The following GPHN variants were observed in gnomAD, a reference collection of about 807,000 sequenced individuals.
The protein encoded by GPHN is gephyrin.
GPHN carries 17 observed loss-of-function variants against 95.5 expected under a neutral mutation model. The ratio of observed to expected loss-of-function variants is 0.18; its 90% confidence interval spans 0.12 to 0.27. The LOEUF is 0.27. Ranked by LOEUF, GPHN falls within the 10% of genes least tolerant of loss-of-function variation. The pLI is 1.00. For synonymous variants in GPHN, 320 were observed against 322.5 expected (o/e 0.99, Z 0.08); for missense variants, 660 against 978.1 (o/e 0.67, Z 4.34).
At chr14:66,613,963 C>A (rs1167804922) in intron 1 of GPHN, among the ~76,000 whole-genome samples, 1 of 151,992 alleles carries the variant, frequency 6.6e-6, no homozygotes, top group Non-Finnish European at 1.5e-5. Flanking sequence ...TTTGATTTTT[C>A]CTTGCTGTAG....
intron 1 of GPHN, among the ~76,000 whole-genome samples, chr14:66,609,273 C>T (rs369246727): frequency 3.9e-5 from 6 of 152,034 alleles, no homozygotes; most frequent in East Asian, 1.9e-4. Context: ...AATTGGTTTC[C>T]GATCTCTTCT....
At chr14:67,340,810 A>T in the GPHN span, among the ~76,000 whole-genome samples, 1 of 152,008 alleles carries the variant, frequency 6.6e-6, no homozygotes, top group South Asian at 2.1e-4. Context: ...AGTGCCTGCG[A>T]TTGCAGGCGC....
chr14:67,709,779 C>A, the GPHN span, among the ~76,000 whole-genome samples: 1 of 152,082 alleles, frequency 6.6e-6, no homozygotes, highest in Non-Finnish European at 1.5e-5. Flanking sequence ...CTTTTTAGAC[C>A]AAGGCATCAA....
chr14:67,248,691 A>T, the GPHN span, among the ~76,000 whole-genome samples: 22 of 152,176 alleles, frequency 1.4e-4, no homozygotes, highest in African/African-American at 5.1e-4. Context: ...TCTCTGTTGC[A>T]AGTACTCAGT....
the GPHN span, among the ~76,000 whole-genome samples, chr14:67,242,538 G>A: frequency 6.6e-6 from 1 of 152,114 alleles, no homozygotes; most frequent in Non-Finnish European, 1.5e-5. Flanking sequence ...TTATGCAATA[G>A]GAACAAATGA....
chr14:66,723,672 G>C (rs1347028426), intron 2 of GPHN, among the ~76,000 whole-genome samples: 1 of 152,170 alleles, frequency 6.6e-6, no homozygotes, highest in East Asian at 1.9e-4. Context: ...ATCTGGTAGA[G>C]ATAGCATAAG....
chr14:67,143,410 T>C lies in GPHN; in HGVS notation c.1797T>C (p.Asp599=), dbSNP rs41285476. 4.2e-3 allele frequency: 6,770 copies of C among 1,610,834 alleles called. 33 individuals are homozygous for C. Among genetic ancestry groups the C allele is most frequent in the South Asian group, 9.8e-3 (892 of 91,004 alleles). The change falls in exon 18 of 23, where the codon GAT becomes GAC. Residue 599 remains aspartate (D), a synonymous_variant. Coordinates refer to ENST00000478722, the MANE Select transcript of GPHN (RefSeq NM_020806.5). ...NALNEGISRA[D]VIITSGGVSM... ...TGAATGAGGGTATCAGTCGTGCTGA[T>C]GTCATCATCACATCAGGGGGTGTAT... is the stretch of plus-strand genomic sequence containing the variant.
At chr14:66,607,197 G>A (rs1214526561) in intron 1 of GPHN, among the ~76,000 whole-genome samples, 8 of 151,970 alleles carry the variant, frequency 5.3e-5, no homozygotes, top group African/African-American at 1.9e-4. Context: ...GTTGGATTTT[G>A]TAGAAAGCTT....
intron 9 of GPHN, among the ~76,000 whole-genome samples, chr14:66,992,075 GAA>G (rs1457833697): frequency 2.0e-5 from 3 of 151,844 alleles, no homozygotes; most frequent in African/African-American, 7.3e-5. Context: ...TAAAAGAAAA[GAA>G]AGGAAAGGAA....
chr14:67,253,860 C>G, the GPHN span, among the ~76,000 whole-genome samples: 1 of 150,906 alleles, frequency 6.6e-6, no homozygotes, highest in Admixed American at 6.6e-5. Context: ...AAAAAAAAGA[C>G]ATCATTTCCA....
At chr14:66,591,890 A>G (rs1328946294) in intron 1 of GPHN, among the ~76,000 whole-genome samples, 1 of 152,220 alleles carries the variant, frequency 6.6e-6, no homozygotes. Context: ...GCATCATGCT[A>G]CCTGAATTCA....
the GPHN span, among the ~76,000 whole-genome samples, chr14:67,382,128 A>G: frequency 1.3e-5 from 2 of 152,120 alleles, no homozygotes; most frequent in Non-Finnish European, 2.9e-5. Flanking sequence ...GAGACAAATT[A>G]TCCATTATAC....
the GPHN span, chr14:67,228,674 A>T: frequency 6.6e-6 from 1 of 152,234 alleles, no homozygotes; most frequent in East Asian, 1.9e-4. Flanking sequence ...CTCAGTTTTT[A>T]TGGATGGGGT....
At chr14:67,146,667 A>G (rs996368836) in intron 18 of GPHN, among the ~76,000 whole-genome samples, 1 of 152,208 alleles carries the variant, frequency 6.6e-6, no homozygotes, top group African/African-American at 2.4e-5. Context: ...TTATTTAGCA[A>G]TAAGAGTGTT....
chr14:66,989,345 G>A (rs2071243293), intron 9 of GPHN, among the ~76,000 whole-genome samples: 1 of 151,728 alleles, frequency 6.6e-6, no homozygotes, highest in South Asian at 2.1e-4. Flanking sequence ...TTTTAGTCTT[G>A]TGCTCTTTCC....
chr14:67,058,643 G>A lies in GPHN; in HGVS notation c.1007-6G>A, dbSNP rs767327193. 5.6e-6 allele frequency: 9 copies of A among 1,611,742 alleles called. No individual in the cohort carries two copies. The South Asian group carries it at 9.9e-5, about 18-fold the overall frequency. ...CATATTCTTAGTTAATTATCTTACT[G>A]TTTAGGTCACAGTGCTGTCGATATC... is the stretch of plus-strand genomic sequence containing the variant. On this transcript the variant is annotated splice_polypyrimidine_tract_variant and splice_region_variant and intron_variant, in intron 10 of 22. Coordinates refer to ENST00000478722, the MANE Select transcript of GPHN (RefSeq NM_020806.5).
chr14:66,528,530 G>A (rs952930255), intron 1 of GPHN, among the ~76,000 whole-genome samples: 3 of 152,156 alleles, frequency 2.0e-5, no homozygotes, highest in East Asian at 1.9e-4. Context: ...TATTTTGACC[G>A]TTAGTTGATG....
chr14:67,007,434 A>C (rs992319219), intron 9 of GPHN, among the ~76,000 whole-genome samples: 2 of 152,230 alleles, frequency 1.3e-5, no homozygotes, highest in African/African-American at 4.8e-5. Context: ...TGGATCATCT[A>C]AATGACCTCC....
chr14:66,802,146 T>C (rs1171430158), intron 3 of GPHN, among the ~76,000 whole-genome samples: 1 of 152,170 alleles, frequency 6.6e-6, no homozygotes, highest in African/African-American at 2.4e-5. Context: ...AGTGTTCTCT[T>C]GTAGTATGGC....
Sources: allele counts gnomAD v4.1 joint callset (sites outside exome capture counted in the v4.1 genomes callset), GRCh38; gene constraint gnomAD v4.1.1; transcripts MANE v1.5; gene names NCBI Gene and HGNC (gene_info 2026-07-23, HGNC 2026-07-21).